SAMSN1: variants seen among roughly 807,000 people sequenced by gnomAD.
SAMSN1 encodes SAM domain, SH3 domain and nuclear localization signals 1.
Under a neutral mutation model 42.0 loss-of-function variants are expected in SAMSN1, and 31 were observed. The ratio of observed to expected loss-of-function variants is 0.74; its 90% CI spans 0.55 to 1.00. SAMSN1 has a LOEUF of 1.00. Among genes scored for constraint, SAMSN1 ranks in the 50% least tolerant of loss-of-function variants. SAMSN1 has a pLI of 0.00. For synonymous variants in SAMSN1, 178 were observed against 151.9 expected, an observed-to-expected ratio of 1.17 and a Z score of -1.26; for missense variants, 464 against 439.4, an observed-to-expected ratio of 1.06 and a Z score of -0.50.
At chr21:14,643,222 G>A (rs964376775) in intron 1 of SAMSN1, 144 of 645,004 alleles carry the variant, frequency 2.2e-4, no homozygotes, top group Non-Finnish European at 3.6e-4. Context: ...CCTTTATATA[G>A]TACTTTATTT....
Position 14,596,493 on chromosome 21 carries a change from C to A in SAMSN1, c.400-2415G>T, listed in dbSNP as rs188641881. Among the ~76,000 whole-genome samples, 34 of 152,232 alleles carry A rather than the reference C, an allele frequency of 2.2e-4. 1 individual carries two copies. Among genetic ancestry groups the A allele is most frequent in the African/African-American group, 7.7e-4 (32 of 41,552 alleles). On this transcript the variant is annotated intron_variant, in intron 6 of 15. Transcript: ENST00000647101. ...GGTGGAACCTAAGACTGCCCCTCACCCTTAGTGTGAGCTGGATTTAGTGAG... is the reference window on the plus strand; with the variant it reads ...GGTGGAACCTAAGACTGCCCCTCACACTTAGTGTGAGCTGGATTTAGTGAG...
At chr21:14,510,498 C>T (rs762103618) in intron 4 of SAMSN1, 37 bp from the exon 5 acceptor site, 3 of 1,610,914 alleles carry the variant, frequency 1.9e-6, no homozygotes, top group Admixed American at 3.3e-5. Flanking sequence ...TCATGGAAGA[C>T]TTATAACATT....
intron 1 of SAMSN1, among the ~76,000 whole-genome samples, chr21:14,582,830 T>A (rs1981791713): frequency 6.7e-6 from 1 of 149,382 alleles, no homozygotes; most frequent in South Asian, 2.1e-4. Flanking sequence ...ATGTTTCTAT[T>A]CTTAAATATT....
At chr21:14,527,559 T>C (rs542316364) in intron 1 of SAMSN1, among the ~76,000 whole-genome samples, 1 of 152,314 alleles carries the variant, frequency 6.6e-6, no homozygotes, top group Non-Finnish European at 1.5e-5. Context: ...GCTGGTCTAT[T>C]CTATCTCTCT....
At chr21:14,582,200 G>C (rs1392398216) in exon 2 of SAMSN1, 3 of 1,550,604 alleles carry the variant, frequency 1.9e-6, no homozygotes, top group East Asian at 2.4e-5. Context: ...AATACAAGAG[G>C]AGCAGTGGTC....
chr21:14,508,353 AC>A (rs1987516566), intron 5 of SAMSN1, among the ~76,000 whole-genome samples: 1 of 149,638 alleles, frequency 6.7e-6, no homozygotes, highest in Non-Finnish European at 1.5e-5. Context: ...ACTCAAATCA[AC>A]AAGAAAAAAA....
rs1283234440 is a variant in SAMSN1 at position 14,485,979 on chromosome 21, T to G, written c.1055A>C (p.Glu352Ala). The G allele has an allele frequency of 7.4e-6, 12 of 1,613,686 alleles. No individual in the cohort carries two copies. Among genetic ancestry groups the G allele is most frequent in the Non-Finnish European group, 1.0e-5 (12 of 1,179,754 alleles). ...AGACAGATTTTCAGACTCCAGATCC[T>G]CTTTGCCATTATCTGAATTTCCTGA... Reference protein sequence around the residue: ...ISSGNSDNGKEDLESENLSDM... With the variant: ...ISSGNSDNGKADLESENLSDM... Residue 352 changes from glutamate to alanine, a missense_variant, in exon 8 of 8, where the codon GAG (glutamate) becomes GCG (alanine). Glu to Ala is a moderately radical substitution (Grantham distance 107). Coordinates refer to ENST00000400566, the MANE Select transcript of SAMSN1 (RefSeq NM_022136.5).
intron 2 of SAMSN1, among the ~76,000 whole-genome samples, chr21:14,578,760 C>T (rs557689047): frequency 4.0e-5 from 6 of 148,726 alleles, no homozygotes; most frequent in African/African-American, 1.5e-4. Flanking sequence ...AAACTAGTGT[C>T]CTTGTAGATT....
intron 2 of SAMSN1, among the ~76,000 whole-genome samples, chr21:14,623,171 A>C (rs1600970046): frequency 6.6e-6 from 1 of 152,236 alleles, no homozygotes; most frequent in East Asian, 1.9e-4. Context: ...AAACATGACA[A>C]ATTGTAAAGA....
intron 6 of SAMSN1, among the ~76,000 whole-genome samples, chr21:14,601,768 T>C (rs961370467): frequency 1.3e-5 from 2 of 152,180 alleles, no homozygotes; most frequent in African/African-American, 4.8e-5. Flanking sequence ...ATTCCCAGAG[T>C]TACTTATCAA....
chr21:14,493,429 T>C lies in SAMSN1; in HGVS notation c.919+5013A>G, dbSNP rs139825985. On this transcript the variant is annotated intron_variant, in intron 7 of 7. Coordinates refer to ENST00000400566, the MANE Select transcript of SAMSN1 (RefSeq NM_022136.5). ...CTCATAGACACAATTTTAAGACACA[T>C]TGGAGTGCTTCTGAATGTGAAAAAT... is the stretch of plus-strand genomic sequence containing the variant. 3.6e-3 allele frequency among the ~76,000 whole-genome samples: 551 copies of C among 152,160 alleles called. 1 individual carries two copies. The highest frequency in any genetic ancestry group is 0.011 in the African/African-American group (475 of 41,508).
At chr21:14,547,426 G>A (rs1980449851), upstream of SAMSN1, among the ~76,000 whole-genome samples, 1 of 152,042 alleles carries the variant, frequency 6.6e-6, no homozygotes, top group African/African-American at 2.4e-5. Context: ...TTATGATAAT[G>A]AAAAAAGCAA....
chr21:14,530,410 T>C (rs1047064797), intron 1 of SAMSN1, among the ~76,000 whole-genome samples: 2 of 151,722 alleles, frequency 1.3e-5, no homozygotes, highest in African/African-American at 2.4e-5. Context: ...GTGGAACATA[T>C]GCTATGTATA....
At chr21:14,612,854 T>A in intron 4 of SAMSN1, 4 of 705,146 alleles carry the variant, frequency 5.7e-6, no homozygotes, top group Non-Finnish European at 7.9e-6. Flanking sequence ...CGTTTACACT[T>A]GTAACCTTAG....
chr21:14,600,340 A>G (rs903740662), intron 6 of SAMSN1, among the ~76,000 whole-genome samples: 1 of 152,214 alleles, frequency 6.6e-6, no homozygotes, highest in Non-Finnish European at 1.5e-5. Context: ...CTATTCTGTC[A>G]TATAGATAAG....
chr21:14,499,616 A>G (rs1987057747), intron 6 of SAMSN1, among the ~76,000 whole-genome samples: 2 of 152,110 alleles, frequency 1.3e-5, no homozygotes, highest in African/African-American at 4.8e-5. Context: ...TAACCATTTA[A>G]CTGTGCATTC....
At chr21:14,613,629 C>T (rs1982764947) in intron 3 of SAMSN1, among the ~76,000 whole-genome samples, 1 of 152,036 alleles carries the variant, frequency 6.6e-6, no homozygotes, top group Admixed American at 6.6e-5. Flanking sequence ...GTTTCCTTTT[C>T]ATTTTTTAAT....
chr21:14,639,972 G>T (rs1314378568), intron 2 of SAMSN1, among the ~76,000 whole-genome samples: 1 of 152,002 alleles, frequency 6.6e-6, no homozygotes, highest in East Asian at 1.9e-4. Context: ...ATACAAACTA[G>T]GCATTTACGA....
chr21:14,509,074 C>A (rs1441788699), intron 5 of SAMSN1, among the ~76,000 whole-genome samples: 1 of 151,420 alleles, frequency 6.6e-6, no homozygotes, highest in African/African-American at 2.4e-5. Flanking sequence ...CAAGATTGTG[C>A]CACTGCACTC....
Sources: gnomAD v4.1 joint callset for allele counts (sites outside exome capture counted in the v4.1 genomes callset) on GRCh38, gnomAD v4.1.1 for gene constraint, MANE v1.5 for transcripts, NCBI Gene and HGNC (gene_info 2026-07-23, HGNC 2026-07-21) for gene names.